RGS12: variants seen among roughly 807,000 people sequenced by gnomAD.
RGS12 encodes regulator of G protein signaling 12.
Under a neutral mutation model 120.1 loss-of-function variants are expected in RGS12, and 66 were observed. That is an observed-to-expected ratio of 0.55 (90% CI 0.45 to 0.67). The LOEUF (loss-of-function observed/expected upper bound fraction) is 0.67. RGS12 is among the 30% of genes least tolerant of loss of function. RGS12 has a pLI of 0.00. For synonymous variants in RGS12, 827 were observed against 804.7 expected, an observed-to-expected ratio of 1.03 and a Z score of -0.47; for missense variants, 1,859 against 1,957.7, an observed-to-expected ratio of 0.95 and a Z score of 0.95.
chr4:3,417,082 C>T lies in RGS12; in HGVS notation c.2597C>T (p.Thr866Met), dbSNP rs758173446. The T allele has an allele frequency of 1.2e-5, 20 of 1,600,248 alleles. No individual in the cohort carries two copies. Among genetic ancestry groups the T allele is most frequent in the East Asian group, 4.5e-5 (2 of 44,554 alleles). Reference protein sequence around the residue: ...SLGSDHSSVSTPKKLSGKSKS... With the variant: ...SLGSDHSSVSMPKKLSGKSKS... ...GGTTCAGACCACTCCAGTGTGTCCA[C>T]GCCAAAAAAGGTGACCTCCCCGAGG... Residue 866 changes from threonine (T) to methionine (M), a missense_variant, in exon 8 of 18, where the codon ACG becomes ATG. Transcript: ENST00000336727.
chr4:3,328,847 C>T (rs917549331), intron 2 of RGS12, among the ~76,000 whole-genome samples: 1 of 152,258 alleles, frequency 6.6e-6, no homozygotes, highest in South Asian at 2.1e-4. Context: ...AAACTACATG[C>T]GACTGTGTCC....
At chr4:3,435,297 G>A (rs541693592) in intron 17 of RGS12, among the ~76,000 whole-genome samples, 2 of 152,228 alleles carry the variant, frequency 1.3e-5, no homozygotes, top group African/African-American at 2.4e-5. Flanking sequence ...GTGTTGTACC[G>A]GGTGAGGATG....
chr4:3,358,009 T>G (rs1394848210), intron 3 of RGS12, among the ~76,000 whole-genome samples: 1 of 152,218 alleles, frequency 6.6e-6, no homozygotes, highest in African/African-American at 2.4e-5. Flanking sequence ...TATTTACTTA[T>G]GTCTTTATTC....
At chr4:3,417,575 G>A in intron 9 of RGS12, 34 bp downstream of exon 9, 4 of 1,604,038 alleles carry the variant, frequency 2.5e-6, no homozygotes, top group Non-Finnish European at 3.4e-6. Flanking sequence ...GTGGTGTCCA[G>A]GCCAGGCAGC....
At chr4:3,381,116 G>T (rs1718216780) in intron 3 of RGS12, among the ~76,000 whole-genome samples, 1 of 152,210 alleles carries the variant, frequency 6.6e-6, no homozygotes, top group Non-Finnish European at 1.5e-5. Flanking sequence ...CAGGGACAAA[G>T]TGCCATCAGT....
intron 4 of RGS12, among the ~76,000 whole-genome samples, chr4:3,401,979 C>G (rs1392940806): frequency 6.6e-6 from 1 of 152,210 alleles, no homozygotes; most frequent in Non-Finnish European, 1.5e-5. Context: ...AGGTGGCCCC[C>G]TGAGCCCCAG....
chr4:3,338,126 A>T (rs1031387481), intron 2 of RGS12, among the ~76,000 whole-genome samples: 2 of 152,114 alleles, frequency 1.3e-5, no homozygotes, highest in African/African-American at 2.4e-5. Context: ...AGTGGTGTGA[A>T]CTCAGCTCAC....
At chr4:3,352,613 C>A (rs148065306) in intron 3 of RGS12, among the ~76,000 whole-genome samples, 2 of 152,304 alleles carry the variant, frequency 1.3e-5, no homozygotes, top group African/African-American at 2.4e-5. Flanking sequence ...AATATGATTA[C>A]ATAATCGTTT....
intron 1 of RGS12, among the ~76,000 whole-genome samples, chr4:3,301,138 C>T (rs1025274959): frequency 7.3e-5 from 11 of 151,604 alleles, no homozygotes; most frequent in African/African-American, 9.7e-5. Flanking sequence ...GGCTGCCCTC[C>T]TCTGTAACAC....
At chr4:3,432,226 A>G (rs889464787) in intron 17 of RGS12, 5 of 926,658 alleles carry the variant, frequency 5.4e-6, no homozygotes, top group Non-Finnish European at 6.4e-6. Context: ...TCCACTTTAG[A>G]AAATAATAAA....
At chr4:3,325,547 C>T (rs1399190534) in intron 2 of RGS12, among the ~76,000 whole-genome samples, 1 of 152,078 alleles carries the variant, frequency 6.6e-6, no homozygotes, top group African/African-American at 2.4e-5. Context: ...GAATCAGTAA[C>T]AAAAACATCT....
chr4:3,308,028 T>G (rs568058141), intron 1 of RGS12, among the ~76,000 whole-genome samples: 1 of 152,338 alleles, frequency 6.6e-6, no homozygotes, highest in Non-Finnish European at 1.5e-5. Context: ...GGCTGGTGTT[T>G]GTGCGATTCT....
At chr4:3,428,490 T>TA in intron 15 of RGS12, 68 bp from the exon 16 acceptor site, 1 of 1,350,994 alleles carries the variant, frequency 7.4e-7, no homozygotes, top group Non-Finnish European at 1.0e-6. Flanking sequence ...TTCTACTCTC[T>TA]AACTAATGAA....
intron 2 of RGS12, among the ~76,000 whole-genome samples, chr4:3,327,939 CTTCTG>C (rs1323954667): frequency 6.6e-6 from 1 of 152,256 alleles, no homozygotes. Context: ...TACCTGCACT[CTTCTG>C]TTTATTGCAG....
chr4:3,342,531 C>G, intron 2 of RGS12: 1 of 1,292,760 alleles, frequency 7.7e-7, no homozygotes, highest in South Asian at 1.2e-5. Flanking sequence ...TGCTGAAAAC[C>G]TGCCTTCATC....
At chr4:3,422,593 G>T in intron 11 of RGS12, 23 bp downstream of exon 11, 1 of 1,602,848 alleles carries the variant, frequency 6.2e-7, no homozygotes, top group Non-Finnish European at 8.5e-7. Flanking sequence ...CCTGACCCTC[G>T]TGCTGCCCTC....
intron 3 of RGS12, among the ~76,000 whole-genome samples, chr4:3,356,661 A>C (rs1328544048): frequency 6.6e-6 from 1 of 151,922 alleles, no homozygotes; most frequent in Non-Finnish European, 1.5e-5. Flanking sequence ...TCTTTTTGTA[A>C]CTGGCTTATT....
chr4:3,397,602 G>GA (rs990357887), intron 4 of RGS12, among the ~76,000 whole-genome samples: 8 of 152,228 alleles, frequency 5.3e-5, no homozygotes, highest in Non-Finnish European at 1.5e-5. Context: ...CAGAGATGGG[G>GA]AAGACTAGGG....
intron 3 of RGS12, among the ~76,000 whole-genome samples, chr4:3,373,144 G>A (rs867123604): frequency 6.6e-6 from 1 of 152,228 alleles, no homozygotes; most frequent in Admixed American, 6.5e-5. Flanking sequence ...TGAGGAAGAC[G>A]GAGTGTGGTC....
Sources: gnomAD v4.1 joint callset for allele counts (sites outside exome capture counted in the v4.1 genomes callset) on GRCh38, gnomAD v4.1.1 for gene constraint, MANE v1.5 for transcripts, NCBI Gene and HGNC (gene_info 2026-07-23, HGNC 2026-07-21) for gene names.